The following GRM7 variants were observed in gnomAD, a reference collection of about 807,000 sequenced individuals.
The protein encoded by GRM7 is glutamate metabotropic receptor 7.
A neutral mutation model predicts 84.5 loss-of-function variants in GRM7; 35 were observed. The observed-to-expected ratio is 0.41, with a 90% CI of 0.32 to 0.55. GRM7 has a LOEUF of 0.55. GRM7 is among the 20% of genes least tolerant of loss of function. GRM7 has a pLI of 0.19. For synonymous variants in GRM7, 487 were observed against 455.1 expected, an observed-to-expected ratio of 1.07 and a Z score of -0.89; for missense variants, 1,003 against 1,194.6, an observed-to-expected ratio of 0.84 and a Z score of 2.36.
intron 6 of GRM7, among the ~76,000 whole-genome samples, chr3:7,454,682 G>T (rs2124896027): frequency 6.6e-6 from 1 of 152,082 alleles, no homozygotes; most frequent in South Asian, 2.1e-4. Context: ...GATAATGAGA[G>T]CCAGGTTTCT....
intron 7 of GRM7, among the ~76,000 whole-genome samples, chr3:7,514,826 C>T (rs555781954): frequency 2.6e-5 from 4 of 152,254 alleles, no homozygotes; most frequent in East Asian, 1.9e-4. Flanking sequence ...TTCCATAAAG[C>T]GCAGGTGCAG....
At chr3:6,948,548 A>G (rs1426022326) in intron 1 of GRM7, among the ~76,000 whole-genome samples, 1 of 152,062 alleles carries the variant, frequency 6.6e-6, no homozygotes, top group East Asian at 1.9e-4. Context: ...TGGGGTGGAG[A>G]GTTCTGTAGA....
chr3:7,156,702 T>C (rs753952777), intron 2 of GRM7, among the ~76,000 whole-genome samples: 1 of 152,188 alleles, frequency 6.6e-6, no homozygotes, highest in Admixed American at 6.6e-5. Flanking sequence ...AGTTAAATAA[T>C]GAAGACCTGC....
intron 4 of GRM7, among the ~76,000 whole-genome samples, chr3:7,376,265 C>T (rs1333948688): frequency 2.6e-5 from 4 of 152,160 alleles, no homozygotes; most frequent in African/African-American, 7.2e-5. Context: ...TGTTGCCTCT[C>T]CTCTCTGTAT....
chr3:6,883,200 G>T (rs945676812), intron 1 of GRM7, among the ~76,000 whole-genome samples: 3 of 151,984 alleles, frequency 2.0e-5, no homozygotes. Flanking sequence ...TTGACTGTTT[G>T]TATTTCTTCT....
In GRM7 at chr3:7,486,337, C is replaced by A. The variant is rs1236467339; in HGVS notation, c.1515+24615C>A. On this transcript the variant is annotated intron_variant, in intron 7 of 9. Coordinates refer to ENST00000357716, the MANE Select transcript of GRM7 (RefSeq NM_000844.4). The surrounding 1 kb of genome is among the most constrained non-coding windows in gnomAD (Gnocchi z 5.5). ...GGAAGACTATTTTATTTGTTTCTAT[C>A]TCTGCTATGATTTGAATATGACTTG... Among the ~76,000 whole-genome samples the A allele has an allele frequency of 1.3e-5, 2 of 152,014 alleles. No individual in the cohort carries two copies. Among genetic ancestry groups the A allele is most frequent in the African/African-American group, 2.4e-5 (1 of 41,380 alleles).
At chr3:7,010,719 C>T (rs564582375) in intron 1 of GRM7, among the ~76,000 whole-genome samples, 7 of 151,994 alleles carry the variant, frequency 4.6e-5, no homozygotes, top group Non-Finnish European at 5.9e-5. Context: ...CAGAGGAGGC[C>T]GATGAGGATT....
intron 1 of GRM7, among the ~76,000 whole-genome samples, chr3:7,077,746 T>TA (rs1201825429): frequency 6.6e-6 from 1 of 151,852 alleles, no homozygotes; most frequent in Admixed American, 6.6e-5. Flanking sequence ...ATTTTATAAA[T>TA]AAAAAAAGAA....
intron 1 of GRM7, among the ~76,000 whole-genome samples, chr3:6,923,171 T>C (rs952283790): frequency 6.6e-6 from 1 of 152,004 alleles, no homozygotes; most frequent in Non-Finnish European, 1.5e-5. Context: ...TGTGTCATCA[T>C]GCCTGGCTAA....
chr3:7,330,865 G>T (rs1304690897), intron 4 of GRM7, among the ~76,000 whole-genome samples: 2 of 152,134 alleles, frequency 1.3e-5, no homozygotes, highest in African/African-American at 4.8e-5. Context: ...AGACAGGATG[G>T]TCTTTCTATC....
At chr3:7,510,520 A>G (rs929642114) in intron 7 of GRM7, among the ~76,000 whole-genome samples, 1 of 152,152 alleles carries the variant, frequency 6.6e-6, no homozygotes, top group East Asian at 1.9e-4. Context: ...CCTTGTAGCC[A>G]ATCTCCTTTA....
intron 2 of GRM7, among the ~76,000 whole-genome samples, chr3:7,211,052 C>T (rs1400003943): frequency 6.6e-6 from 1 of 152,130 alleles, no homozygotes; most frequent in African/African-American, 2.4e-5. Flanking sequence ...AACCAACCAA[C>T]TAGGTTTTTA....
intron 1 of GRM7, among the ~76,000 whole-genome samples, chr3:7,125,664 C>A (rs1481495191): frequency 1.3e-5 from 2 of 152,182 alleles, no homozygotes; most frequent in Non-Finnish European, 2.9e-5. Context: ...GGGCTACATT[C>A]CATATTGTGA....
At chr3:7,474,799 G>A (rs960344689) in intron 7 of GRM7, among the ~76,000 whole-genome samples, 21 of 131,052 alleles carry the variant, frequency 1.6e-4, no homozygotes, top group Admixed American at 2.8e-4. Context: ...GGAATGTTTC[G>A]GGAAGATTTT....
At chr3:7,166,691 G>A (rs1298606034) in intron 2 of GRM7, among the ~76,000 whole-genome samples, 2 of 152,126 alleles carry the variant, frequency 1.3e-5, no homozygotes, top group East Asian at 1.9e-4. Context: ...CAATTCCAGG[G>A]CAGCTGCTTA....
intron 9 of GRM7, chr3:7,680,619 T>G (rs1445993225): frequency 7.0e-6 from 2 of 285,616 alleles, no homozygotes; most frequent in African/African-American, 4.4e-5. Context: ...GCACCCTTCC[T>G]GCTAAGGCAA....
intron 1 of GRM7, among the ~76,000 whole-genome samples, chr3:7,041,728 G>C (rs1288313862): frequency 6.6e-6 from 1 of 152,268 alleles, no homozygotes; most frequent in East Asian, 1.9e-4. Flanking sequence ...AAAATCCTCA[G>C]AATCTCCAGA....
chr3:7,480,861 T>C (rs1699101916), intron 7 of GRM7, among the ~76,000 whole-genome samples: 2 of 152,182 alleles, frequency 1.3e-5, no homozygotes, highest in African/African-American at 4.8e-5. Context: ...GACCACACTT[T>C]GAGAATTAAG....
intron 8 of GRM7, among the ~76,000 whole-genome samples, chr3:7,625,819 G>C (rs1335096071): frequency 2.0e-5 from 3 of 152,154 alleles, no homozygotes. Flanking sequence ...TTCAAAGGTA[G>C]GACTTCTAAA....
Sources: allele counts gnomAD v4.1 joint callset (sites outside exome capture counted in the v4.1 genomes callset), GRCh38; gene constraint gnomAD v4.1.1; non-coding constraint Gnocchi (gnomAD v3.1); transcripts MANE v1.5; gene names NCBI Gene and HGNC (gene_info 2026-07-23, HGNC 2026-07-21).